Variants in SMAD3 observed in about 807,000 individuals in gnomAD.
The protein encoded by SMAD3 is SMAD family member 3.
A neutral mutation model predicts 51.8 loss-of-function variants in SMAD3; 12 were observed. That is an observed-to-expected ratio of 0.23 (90% confidence interval 0.15 to 0.38). The LOEUF (loss-of-function observed/expected upper bound fraction) is 0.38, where lower values mean the gene tolerates loss of function less well. Ranked by LOEUF, SMAD3 falls within the 10% of genes least tolerant of loss-of-function variation. The pLI, the probability that SMAD3 is intolerant of heterozygous loss-of-function variation, is 1.00. For synonymous variants in SMAD3, 238 were observed against 227.7 expected (o/e 1.05, Z -0.41); for missense variants, 294 against 565.6 (o/e 0.52, Z 4.87).
At chr15:67,089,721 C>A (rs999077538) in intron 1 of SMAD3, among the ~76,000 whole-genome samples, 23 of 152,250 alleles carry the variant, frequency 1.5e-4, no homozygotes, top group Admixed American at 1.5e-3. Context: ...GCGTACTGCA[C>A]TTTACAGTTT....
rs557761351 is a variant in SMAD3 at position 67,066,544 on chromosome 15, A to G, written c.206+184A>G. On this transcript the variant is annotated intron_variant, in intron 1 of 8. Transcript: ENST00000327367. ...AGGGGGTGGGGGGACCCCAAACAAA[A>G]CCATCTCTGATTTGCAAAGATCAGA... Among the ~76,000 whole-genome samples, 673 of 152,268 alleles carry G rather than the reference A, an allele frequency of 4.4e-3. 4 individuals are homozygous for G. Among genetic ancestry groups the G allele is most frequent in the Non-Finnish European group, 8.0e-3 (542 of 67,988 alleles).
chr15:67,160,555 G>A (rs1158030393), intron 1 of SMAD3, among the ~76,000 whole-genome samples: 1 of 152,066 alleles, frequency 6.6e-6, no homozygotes, highest in Non-Finnish European at 1.5e-5. Flanking sequence ...GGCGGATCAC[G>A]AGGTCAGGAG....
chr15:67,177,093 T>C (rs1375657070), intron 5 of SMAD3, among the ~76,000 whole-genome samples: 1 of 152,186 alleles, frequency 6.6e-6, no homozygotes, highest in Non-Finnish European at 1.5e-5. Context: ...GCTTGCTTGA[T>C]CAGTTGATTG....
At chr15:67,173,152 G>A (rs527596006) in intron 5 of SMAD3, among the ~76,000 whole-genome samples, 22 of 152,228 alleles carry the variant, frequency 1.4e-4, no homozygotes, top group African/African-American at 2.4e-4. Context: ...CTGGCCAGGC[G>A]TCTCCTCTGT....
chr15:67,093,555 C>T (rs1435478982), intron 1 of SMAD3, among the ~76,000 whole-genome samples: 1 of 152,146 alleles, frequency 6.6e-6, no homozygotes, highest in East Asian at 1.9e-4. Context: ...CCCTGTCAAG[C>T]GGGGAGTCTA....
rs180972756 is a variant in SMAD3, at chr15:67,135,124, G to C, written c.207-29771G>C. Among the ~76,000 whole-genome samples the C allele has an allele frequency of 8.7e-4, 133 of 152,292 alleles. 1 individual carries two copies. The highest frequency in any genetic ancestry group is 1.5e-3 in the Non-Finnish European group (99 of 68,008). ...TTTTGGAGCCACAGGAGAGAAGATG[G>C]CCGGGAAGAGCTGTGTTTGGAAGGT... On this transcript the variant is annotated intron_variant, in intron 1 of 8. Transcript: ENST00000327367.
At chr15:67,098,506 C>A (rs1960669303) in intron 1 of SMAD3, 2 of 274,874 alleles carry the variant, frequency 7.3e-6, no homozygotes, top group South Asian at 1.0e-4. Context: ...AGGCCTATCT[C>A]AACATAGCAG....
intron 1 of SMAD3, among the ~76,000 whole-genome samples, chr15:67,084,410 ACT>A (rs1369630993): frequency 6.6e-6 from 1 of 150,594 alleles, no homozygotes; most frequent in Non-Finnish European, 1.5e-5. Context: ...AGCCCTCTGA[ACT>A]CTCCTTGGCT....
At position 67,085,223 on chromosome 15, in the gene SMAD3, C is replaced by T. The variant is rs562111033; in HGVS notation, c.206+18863C>T. 2.6e-5 allele frequency among the ~76,000 whole-genome samples: 4 copies of T among 152,246 alleles called. No individual in the cohort carries two copies. In the South Asian group the frequency reaches 6.2e-4, roughly 24 times the overall value. ...ATCCTTTGTCACCGTTTTTGTCCAG[C>T]GGCTGTCACCATAGGGGCTCCTCTG... On this transcript the variant is annotated intron_variant, in intron 1 of 8. Transcript: ENST00000327367.
chr15:67,096,215 G>A (rs7176870), intron 1 of SMAD3, among the ~76,000 whole-genome samples: 92,777 of 152,082 alleles, frequency 0.61, 28,635 homozygotes, highest in East Asian at 0.8. Flanking sequence ...CGGAAGAAGG[G>A]AAAGGAAAGA....
intron 1 of SMAD3, among the ~76,000 whole-genome samples, chr15:67,130,662 G>A (rs756549197): frequency 4.6e-5 from 7 of 152,194 alleles, no homozygotes; most frequent in Non-Finnish European, 7.3e-5. Flanking sequence ...GAATTTGCAC[G>A]TAGCAACTTA....
rs1174880777 is a variant in SMAD3 at position 67,113,157 on chromosome 15, C to T, written c.206+46797C>T. Among the ~76,000 whole-genome samples the T allele has an allele frequency of 7.3e-5, 9 of 122,882 alleles. 2 individuals carry two copies. Among genetic ancestry groups the T allele is most frequent in the Non-Finnish European group, 1.3e-4 (8 of 61,348 alleles). 80.6% of individuals were successfully genotyped at this position (122,882 alleles called of 152,430 possible). On this transcript the variant is annotated intron_variant, in intron 1 of 8. Transcript: ENST00000327367. ...GGAGTGCAGTAGTGCGATCTTGGCTCACTGCAAACTCTGCCTCCCGGGTTC... is the reference window on the plus strand; with the variant it reads ...GGAGTGCAGTAGTGCGATCTTGGCTTACTGCAAACTCTGCCTCCCGGGTTC...
At position 67,099,015 on chromosome 15, in the gene SMAD3, G is replaced by T. The variant is rs535786992; in HGVS notation, c.206+32655G>T. Reference sequence around the variant, plus strand: ...GGACAGAGCGTATGTCCTGAGCGAGGATCAACTCTGTGAGTACCCATGATA... The same window carrying T: ...GGACAGAGCGTATGTCCTGAGCGAGTATCAACTCTGTGAGTACCCATGATA... On this transcript the variant is annotated intron_variant, in intron 1 of 8. Coordinates refer to ENST00000327367, the MANE Select transcript of SMAD3 (RefSeq NM_005902.4). The T allele has an allele frequency of 7.1e-6, 5 of 700,972 alleles. No homozygotes were observed. In the Admixed American group the frequency reaches 8.0e-5, roughly 11 times the overall value. The allele number at this position is 700,972 out of a possible 1,614,324, so 43.4% of individuals were successfully genotyped here.
intron 3 of SMAD3, chr15:67,166,429 G>A (rs1443821631): frequency 2.3e-6 from 1 of 433,644 alleles, no homozygotes; most frequent in Non-Finnish European, 4.3e-6. Flanking sequence ...GGACAGAAAG[G>A]GGTGAGGCGG....
rs553968927 is a variant in SMAD3, at chr15:67,148,567, T to G, written c.207-16328T>G. On this transcript the variant is annotated intron_variant, in intron 1 of 8. Transcript: ENST00000327367. ...ATTTTAGCTTCCTGCACTTCCCCGC[T>G]GGTTGCTTTCGCCTAACTGGCACCT... Among the ~76,000 whole-genome samples the G allele has an allele frequency of 3.3e-5, 5 of 152,362 alleles. No homozygotes were observed. In the South Asian group the frequency reaches 1.0e-3, roughly 32 times the overall value.
At chr15:67,069,134 C>G (rs1959993663) in intron 1 of SMAD3, among the ~76,000 whole-genome samples, 1 of 152,160 alleles carries the variant, frequency 6.6e-6, no homozygotes, top group African/African-American at 2.4e-5. Flanking sequence ...CTAGGGACTT[C>G]CAGACCACAG....
At chr15:67,095,797 G>T (rs996576463) in intron 1 of SMAD3, among the ~76,000 whole-genome samples, 2 of 152,178 alleles carry the variant, frequency 1.3e-5, no homozygotes, top group Non-Finnish European at 2.9e-5. Context: ...CTCCCAAAGT[G>T]CTGGGATTAC....
intron 1 of SMAD3, among the ~76,000 whole-genome samples, chr15:67,145,882 A>T (rs760724401): frequency 3.3e-5 from 5 of 152,176 alleles, no homozygotes; most frequent in Non-Finnish European, 5.9e-5. Context: ...AGCTTGACAC[A>T]GTGGGAAGAA....
At chr15:67,083,709 T>C (rs1403229602) in intron 1 of SMAD3, among the ~76,000 whole-genome samples, 1 of 152,212 alleles carries the variant, frequency 6.6e-6, no homozygotes, top group Non-Finnish European at 1.5e-5. Context: ...CTCCAGCTGC[T>C]CTCTGGACAA....
Sources: allele counts gnomAD v4.1 joint callset (sites outside exome capture counted in the v4.1 genomes callset), GRCh38; gene constraint gnomAD v4.1.1; transcripts MANE v1.5; gene names NCBI Gene and HGNC (gene_info 2026-07-23, HGNC 2026-07-21).